The following LTBP3 variants were observed in gnomAD, a reference collection of about 807,000 sequenced individuals.
LTBP3 encodes the protein latent transforming growth factor beta binding protein 3.
Under a neutral mutation model 159.7 loss-of-function variants are expected in LTBP3, and 97 were observed. The ratio of observed to expected loss-of-function variants is 0.61; its 90% CI spans 0.52 to 0.72. The LOEUF is 0.72. LTBP3 is among the 30% of genes least tolerant of loss of function. LTBP3 has a pLI of 0.00. For synonymous variants in LTBP3, 824 were observed against 777.1 expected (o/e 1.06, Z -1.00); for missense variants, 1,584 against 1,864.3 (o/e 0.85, Z 2.77).
At chr11:65,540,793 A>G in intron 21 of LTBP3, 78 bp downstream of exon 21, 1 of 1,490,642 alleles carries the variant, frequency 6.7e-7, no homozygotes, top group South Asian at 1.2e-5. Flanking sequence ...CAGCTGACCC[A>G]GCGAGTCCCG....
chr11:65,552,234 T>C lies in LTBP3; in HGVS notation c.1345+14A>G. On this transcript the variant is annotated intron_variant, in intron 7 of 27. Transcript: ENST00000301873. This position sits in a 1 kb window ranked among gnomAD's most constrained non-coding sequence, Gnocchi z 6.0. ...GGACCTATGAACCCCTATCCCCGGGTAACCCTGACTCACCGGTGCCATCTG... is the reference window on the plus strand; with the variant it reads ...GGACCTATGAACCCCTATCCCCGGGCAACCCTGACTCACCGGTGCCATCTG... 6.2e-7 allele frequency: 1 copy of C among 1,614,112 alleles called. No individual in the cohort carries two copies. Among genetic ancestry groups the C allele is most frequent in the Non-Finnish European group, 8.5e-7 (1 of 1,180,000 alleles).
rs1033807825 is a variant in LTBP3, at chr11:65,538,707, C to T, written c.*373G>A. On this transcript the variant is annotated 3_prime_UTR_variant, in exon 28 of 28. Transcript: ENST00000301873. The stretch of plus-strand genomic sequence containing the variant: ...GCCACAATAAATTCTATTTCACACC[C>T]CTTGTGCCGGGCTCAGTCTAGCCCC... 3 of 1,175,438 alleles carry T rather than the reference C, an allele frequency of 2.6e-6. No individual in the cohort carries two copies. The highest frequency in any genetic ancestry group is 2.7e-5 in the Admixed American group (1 of 37,118). 72.8% of individuals were successfully genotyped at this position (1,175,438 alleles called of 1,614,324 possible).
chr11:65,549,506 G>C (rs924133898), intron 11 of LTBP3, among the ~76,000 whole-genome samples: 2 of 149,600 alleles, frequency 1.3e-5, no homozygotes, highest in African/African-American at 4.9e-5. Flanking sequence ...CTATCTCCCA[G>C]GTTCAAGTGA....
chr11:65,547,349 A>C lies in LTBP3; in HGVS notation c.2107+90T>G, dbSNP rs1203884262. On this transcript the variant is annotated intron_variant, in intron 14 of 27. Coordinates refer to ENST00000301873, the MANE Select transcript of LTBP3 (RefSeq NM_001130144.3). This position sits in a 1 kb window ranked among gnomAD's most constrained non-coding sequence, Gnocchi z 4.6. ...ACAGAGTGAGACTCCGTCTCGGGGGAAAAAAAAAAAAATGCAGGCACCCCA... is the reference window on the plus strand; with the variant it reads ...ACAGAGTGAGACTCCGTCTCGGGGGCAAAAAAAAAAAATGCAGGCACCCCA... 1 of 497,538 alleles carries C rather than the reference A, an allele frequency of 2.0e-6. No homozygotes were observed. The highest frequency in any genetic ancestry group is 3.1e-5 in the African/African-American group (1 of 32,188). The allele number at this position is 497,538 out of a possible 1,614,324, so 30.8% of individuals were successfully genotyped here.
At chr11:65,549,659 C>A (rs1856524367) in intron 11 of LTBP3, among the ~76,000 whole-genome samples, 1 of 131,104 alleles carries the variant, frequency 7.6e-6, no homozygotes, top group Admixed American at 9.1e-5. Context: ...ACCTCGTGAT[C>A]CACCCACCTC....
chr11:65,540,006 C>G lies in LTBP3; in HGVS notation c.3385+7G>C, dbSNP rs1396868894. ...CGGGATCGGCCAAGGCCAACCCTCG[C>G]CCTCACCGGCCGGGCTCTCGGGGAG... On this transcript the variant is annotated splice_region_variant and intron_variant, in intron 24 of 27. Coordinates refer to ENST00000301873, the MANE Select transcript of LTBP3 (RefSeq NM_001130144.3). The G allele has an allele frequency of 6.7e-7, 1 of 1,491,354 alleles. No homozygotes were observed. Among genetic ancestry groups the G allele is most frequent in the East Asian group, 2.6e-5 (1 of 38,606 alleles). The allele number at this position is 1,491,354 out of a possible 1,614,324, so 92.4% of individuals were successfully genotyped here.
chr11:65,541,268 C>T lies in LTBP3; in HGVS notation c.2751G>A (p.Lys917=). The change falls in exon 20 of 28, where the codon AAG becomes AAA. Residue 917 remains lysine, a synonymous_variant. Coordinates refer to ENST00000301873, the MANE Select transcript of LTBP3 (RefSeq NM_001130144.3). ...TGTCATCGAAGTTCAGGTAGCACTC[C>T]TTCTTGTGGTGGGGCTGCTCCACCT... ...CEEVEQPHHK[K]ECYLNFDDTV... 6.2e-7 allele frequency: 1 copy of T among 1,612,246 alleles called. No homozygotes were observed. The highest frequency in any genetic ancestry group is 1.1e-5 in the South Asian group (1 of 91,024).
At chr11:65,540,642 C>G (rs200140278) in intron 21 of LTBP3, 28 bp from the exon 22 acceptor site, 83 of 1,605,076 alleles carry the variant, frequency 5.2e-5, no homozygotes, top group Non-Finnish European at 4.4e-5. Context: ...CTGGCCGCTC[C>G]GGTCCCGCAG....
At position 65,546,625 on chromosome 11, in the gene LTBP3, C is replaced by A. The variant is rs1280496598; in HGVS notation, c.2231-61G>T. 2 of 1,594,510 alleles carry A rather than the reference C, an allele frequency of 1.3e-6. No homozygotes were observed. Among genetic ancestry groups the A allele is most frequent in the South Asian group, 1.1e-5 (1 of 90,490 alleles). ...ACCGGAAGGCGGACCGCGCACCTCG[C>A]GGGGGTGTGGGTCTCTTCCCTGGAA... On this transcript the variant is annotated intron_variant, in intron 15 of 27. Transcript: ENST00000301873. This position sits in a 1 kb window ranked among gnomAD's most constrained non-coding sequence, Gnocchi z 4.0.
At chr11:65,541,850 G>A (rs1856151181) in intron 18 of LTBP3, 122 bp from the exon 19 acceptor site, 15 of 1,121,358 alleles carry the variant, frequency 1.3e-5, no homozygotes, top group South Asian at 6.6e-5. Flanking sequence ...TGTACAGCAG[G>A]AAGTCTGCTG....
Position 65,552,129 on chromosome 11 carries a change from C to T in LTBP3, c.1374G>A (p.Gly458=), listed in dbSNP as rs1334137367. 8 of 1,614,168 alleles carry T rather than the reference C, an allele frequency of 5.0e-6. No individual in the cohort carries two copies. The highest frequency in any genetic ancestry group is 6.8e-6 in the Non-Finnish European group (8 of 1,180,012). Residue 458 remains glycine (G), a synonymous_variant, in exon 8 of 28, where the codon GGG becomes GGA. Transcript: ENST00000301873. This position sits in a 1 kb window ranked among gnomAD's most constrained non-coding sequence, Gnocchi z 6.0. The stretch of plus-strand genomic sequence containing the variant: ...GGGAGGTGAGAATGTGGTATCCCTT[C>T]CCAGCTGGGCAGATCTCCTTGAACG... The part of the protein sequence containing the change: ...TAAFKEICPA[G]KGYHILTSHQ...
rs2135122635 is a variant in LTBP3 at position 65,540,619 on chromosome 11, G to A, written c.2978-5C>T. 2 of 1,610,852 alleles carry A rather than the reference G, an allele frequency of 1.2e-6. No homozygotes were observed. Among genetic ancestry groups the A allele is most frequent in the African/African-American group, 1.3e-5 (1 of 74,830 alleles). On this transcript the variant is annotated splice_polypyrimidine_tract_variant and splice_region_variant and intron_variant, in intron 21 of 27. Coordinates refer to ENST00000301873, the MANE Select transcript of LTBP3 (RefSeq NM_001130144.3). ...ACAACATGCACTCGTCGATGTCTGC[G>A]GGGTGACAAACACTGGCCGCTCCGG...
Position 65,553,612 on chromosome 11 carries a change from C to T in LTBP3, c.865-82G>A. On this transcript the variant is annotated intron_variant, in intron 3 of 27. Transcript: ENST00000301873. This position sits in a 1 kb window ranked among gnomAD's most constrained non-coding sequence, Gnocchi z 6.5. ...TAGGGTTGGGCCTTTTCCTCTTCCC[C>T]CGCCCCTCAGTTTTCTGCTATCCGA... The T allele has an allele frequency of 1.3e-6, 2 of 1,512,376 alleles. No homozygotes were observed. Among genetic ancestry groups the T allele is most frequent in the Non-Finnish European group, 1.8e-6 (2 of 1,112,202 alleles). 93.7% of individuals were successfully genotyped at this position (1,512,376 alleles called of 1,614,324 possible).
chr11:65,545,780 G>A (rs939198926), intron 16 of LTBP3: 2 of 194,284 alleles, frequency 1.0e-5, no homozygotes, highest in Admixed American at 1.2e-4. Context: ...AACACCTTCT[G>A]GGTGAAGCAC....
rs1208346750 is a variant in LTBP3, at chr11:65,539,802, A to G, written c.3465T>C (p.Pro1155=). The G allele has an allele frequency of 6.5e-6, 10 of 1,538,466 alleles. No homozygotes were observed. The South Asian group carries it at 9.5e-5, about 15-fold the overall frequency. The change falls in exon 25 of 28, where the codon CCT becomes CCC. Residue 1155 remains proline (P), a synonymous_variant. Coordinates refer to ENST00000301873, the MANE Select transcript of LTBP3 (RefSeq NM_001130144.3). ...DGMCAGPLAG[P]ALTFDDCCCR... ...AGCAGCAGTCGTCGAAGGTGAGGGC[A>G]GGCCCGGCCAGGGGGCCAGCGCACA...
Position 65,554,404 on chromosome 11 carries a change from C to A in LTBP3, c.332-24G>T. On this transcript the variant is annotated intron_variant, in intron 1 of 27. Coordinates refer to ENST00000301873, the MANE Select transcript of LTBP3 (RefSeq NM_001130144.3). The surrounding 1 kb of genome is among the most constrained non-coding windows in gnomAD (Gnocchi z 5.3). ...CACTGGGGAGAAGAGTGGGGTCAGG[C>A]CCTCACCCACATCCTGTCTCTTTCC... 3 of 1,579,196 alleles carry A rather than the reference C, an allele frequency of 1.9e-6. No homozygotes were observed. The highest frequency in any genetic ancestry group is 2.6e-6 in the Non-Finnish European group (3 of 1,155,406).
intron 18 of LTBP3, chr11:65,542,358 G>GA (rs1192345308): frequency 2.7e-5 from 4 of 150,016 alleles, no homozygotes; most frequent in African/African-American, 5.1e-5. Flanking sequence ...ACAGAACCTG[G>GA]AAAATAGTAG....
chr11:65,557,966 C>T lies in LTBP3; in HGVS notation c.-7G>A, dbSNP rs1856870104. The T allele has an allele frequency of 3.5e-6, 4 of 1,149,950 alleles. No homozygotes were observed. The highest frequency in any genetic ancestry group is 3.2e-6 in the Non-Finnish European group (3 of 939,070). 71.2% of individuals were successfully genotyped at this position (1,149,950 alleles called of 1,614,324 possible). ...CCCCTCGGGGCCCGGGCATCCGGGG[C>T]CGCAGGACCCGGGGGAGGGGGGGCG... On this transcript the variant is annotated 5_prime_UTR_variant, in exon 1 of 28. Transcript: ENST00000301873.
rs1388252000 is a variant in LTBP3 at position 65,539,646 on chromosome 11, G to A, written c.3548-18C>T. On this transcript the variant is annotated intron_variant, in intron 25 of 27. Transcript: ENST00000301873. ...ATGGGACCCTGGGAGGAGCAGAACT[G>A]GTCAGCGACGTCCGGGTCCCCGGGC... The A allele has an allele frequency of 6.2e-7, 1 of 1,601,770 alleles. No homozygotes were observed. The highest frequency in any genetic ancestry group is 8.5e-7 in the Non-Finnish European group (1 of 1,176,336).
Sources: allele counts gnomAD v4.1 joint callset (sites outside exome capture counted in the v4.1 genomes callset), GRCh38; gene constraint gnomAD v4.1.1; non-coding constraint Gnocchi (gnomAD v3.1); transcripts MANE v1.5; gene names NCBI Gene and HGNC (gene_info 2026-07-23, HGNC 2026-07-21).